The following CNEP1R1 variants were observed in gnomAD, a reference collection of about 807,000 sequenced individuals.
The protein encoded by CNEP1R1 is CTD nuclear envelope phosphatase 1 regulatory subunit 1, also known as nuclear envelope phosphatase-regulatory subunit 1.
Under a neutral mutation model 22.7 loss-of-function variants are expected in CNEP1R1, and 10 were observed. That is an observed-to-expected ratio of 0.44 (90% CI 0.27 to 0.75). The LOEUF (loss-of-function observed/expected upper bound fraction) is 0.75. CNEP1R1 is among the 30% of genes least tolerant of loss of function. The probability of loss-of-function intolerance (pLI) is 0.17; values close to 1 mark genes in which losing one functional copy is unlikely to be tolerated. For synonymous variants in CNEP1R1, 53 were observed against 50.1 expected (o/e 1.06, Z -0.25); for missense variants, 73 against 151.5 (o/e 0.48, Z 2.72).
chr16:50,029,804 A>G lies in CNEP1R1; in HGVS notation c.171+6A>G. On this transcript the variant is annotated splice_donor_region_variant and intron_variant, in intron 3 of 5. Coordinates refer to ENST00000427478, the MANE Select transcript of CNEP1R1 (RefSeq NM_001281789.2). ...TAGACCCTGAGACACAAAAGGTAGA[A>G]GTTTTGTTTTAAAATCATTAGCATA... 6.4e-7 allele frequency: 1 copy of G among 1,566,080 alleles called. No homozygotes were observed. Among genetic ancestry groups the G allele is most frequent in the Non-Finnish European group, 8.8e-7 (1 of 1,137,798 alleles).
rs777977157 is a variant in CNEP1R1, at chr16:50,035,411, T to C, written c.337-6T>C. ...TTGAAAAAATTCTGTCTTTTCATTT[T>C]TGCAGACAGGAAAACTAATTTTGAA... On this transcript the variant is annotated splice_region_variant and splice_polypyrimidine_tract_variant and intron_variant, in intron 5 of 5. Transcript: ENST00000427478. The C allele has an allele frequency of 1.3e-6, 2 of 1,547,126 alleles. No homozygotes were observed. The highest frequency in any genetic ancestry group is 1.2e-5 in the South Asian group (1 of 85,542).
intron 2 of CNEP1R1, chr16:50,026,728 A>C (rs2036187397): frequency 5.3e-6 from 2 of 379,674 alleles, no homozygotes. Context: ...TAATCCCAGC[A>C]CTTTAGGAAG....
At chr16:50,026,592 T>A (rs1417829921) in intron 2 of CNEP1R1, 125 bp downstream of exon 2, 6 of 715,306 alleles carry the variant, frequency 8.4e-6, no homozygotes, top group African/African-American at 1.8e-5. Flanking sequence ...CAATGCCTTA[T>A]GAAGAAATTT....
rs964967564 is a variant in CNEP1R1 at position 50,033,995 on chromosome 16, A to G, written c.282-107A>G. The G allele has an allele frequency of 7.2e-5, 55 of 767,196 alleles. No individual in the cohort carries two copies. The East Asian group carries it at 9.1e-4, about 13-fold the overall frequency. The allele number at this position is 767,196 out of a possible 1,614,324, so 47.5% of individuals were successfully genotyped here. ...CTCGATCTCCTGACCTTGTGATCCG[A>G]CCGCCTCGGCCTCCCAAAGTGCTGG... On this transcript the variant is annotated intron_variant, in intron 4 of 5. Transcript: ENST00000427478.
At chr16:50,026,255 C>T (rs2036182108) in intron 1 of CNEP1R1, 141 bp from the exon 2 acceptor site, 3 of 617,716 alleles carry the variant, frequency 4.9e-6, no homozygotes, top group Admixed American at 2.8e-5. Flanking sequence ...ATAAACAGTG[C>T]AGTGATACAT....
chr16:50,033,422 A>G lies in CNEP1R1; in HGVS notation c.197A>G (p.Asn66Ser). The G allele has an allele frequency of 6.3e-7, 1 of 1,595,544 alleles. No individual in the cohort carries two copies. The highest frequency in any genetic ancestry group is 1.1e-5 in the South Asian group (1 of 90,240). ...GTGTCCTTCTTCACATCATTATGGA[A>G]TCACCCATTTTTCACCATTAGCTGT... ...QKVSFFTSLW[N>S]HPFFTISCIT... Residue 66 changes from asparagine (N) to serine (S), a missense_variant, in exon 4 of 6, where the codon AAT becomes AGT. By Grantham distance (46) the Asn-to-Ser change is conservative. Coordinates refer to ENST00000427478, the MANE Select transcript of CNEP1R1 (RefSeq NM_001281789.2).
At chr16:50,026,349 A>G in intron 1 of CNEP1R1, 47 bp from the exon 2 acceptor site, 1 of 1,351,770 alleles carries the variant, frequency 7.4e-7, no homozygotes, top group Non-Finnish European at 1.0e-6. Flanking sequence ...ACATTTCGTC[A>G]GACGAGTAAG....
At chr16:50,025,400 A>T (rs1003817589) in intron 1 of CNEP1R1, 60 bp downstream of exon 1, 1 of 1,414,208 alleles carries the variant, frequency 7.1e-7, no homozygotes, top group Non-Finnish European at 9.3e-7. Context: ...GGTGCTCCGG[A>T]GGAGCCGGCG....
In CNEP1R1 at chr16:50,036,423, G is replaced by T. The variant is rs1308308616; in HGVS notation, c.*965G>T. The T allele has an allele frequency of 6.6e-6, 1 of 152,152 alleles. No individual in the cohort carries two copies. Among genetic ancestry groups the T allele is most frequent in the Non-Finnish European group, 1.5e-5 (1 of 68,038 alleles). The allele number at this position is 152,152 out of a possible 1,614,324, so 9.4% of individuals were successfully genotyped here. On this transcript the variant is annotated 3_prime_UTR_variant, in exon 6 of 6. Coordinates refer to ENST00000427478, the MANE Select transcript of CNEP1R1 (RefSeq NM_001281789.2). ...CAAAATGCTGGGATTACAGGCATAAGCCACCGTGCCTGGCCTCTTTAATAA... is the reference window on the plus strand; with the variant it reads ...CAAAATGCTGGGATTACAGGCATAATCCACCGTGCCTGGCCTCTTTAATAA...
chr16:50,026,546 G>T, intron 2 of CNEP1R1, 79 bp downstream of exon 2: 1 of 1,115,264 alleles, frequency 9.0e-7, no homozygotes. Flanking sequence ...TTGCTTTTAT[G>T]TAAAATGTTT....
intron 4 of CNEP1R1, 125 bp downstream of exon 4, chr16:50,033,631 AG>A: frequency 2.3e-6 from 1 of 442,344 alleles, no homozygotes; most frequent in East Asian, 4.3e-5. Context: ...TGGGAGGCTG[AG>A]GTGGGTGGAT....
intron 1 of CNEP1R1, 56 bp from the exon 2 acceptor site, chr16:50,026,340 C>T: frequency 1.6e-6 from 2 of 1,262,922 alleles, no homozygotes; most frequent in Non-Finnish European, 2.3e-6. Context: ...AATACTCTGA[C>T]ATTTCGTCAG....
chr16:50,031,996 G>A (rs143841524), intron 3 of CNEP1R1, among the ~76,000 whole-genome samples: 3 of 152,194 alleles, frequency 2.0e-5, no homozygotes, highest in African/African-American at 4.8e-5. Flanking sequence ...TGAAGAAGAC[G>A]TTCTTCTGGA....
At chr16:50,025,452 A>G in intron 1 of CNEP1R1, 112 bp downstream of exon 1, 1 of 1,249,944 alleles carries the variant, frequency 8.0e-7, no homozygotes, top group Non-Finnish European at 1.1e-6. Flanking sequence ...CAGAGGATGG[A>G]GCTAGGGGCC....
intron 2 of CNEP1R1, chr16:50,026,793 G>A (rs978955990): frequency 3.2e-5 from 7 of 218,082 alleles, no homozygotes; most frequent in South Asian, 7.3e-5. Flanking sequence ...TGGCCAACAC[G>A]GTGAAACGCC....
chr16:50,027,359 T>C (rs866831454), intron 2 of CNEP1R1, among the ~76,000 whole-genome samples: 1 of 151,748 alleles, frequency 6.6e-6, no homozygotes, highest in Non-Finnish European at 1.5e-5. Context: ...AATAAAAAAA[T>C]TAGCCGGGCG....
intron 4 of CNEP1R1, 40 bp from the exon 5 acceptor site, chr16:50,034,062 T>G (rs760105926): frequency 6.5e-7 from 1 of 1,527,726 alleles, no homozygotes; most frequent in South Asian, 1.2e-5. Flanking sequence ...AAAAGCATAC[T>G]CTTGAAATGA....
intron 3 of CNEP1R1, among the ~76,000 whole-genome samples, chr16:50,031,894 C>T (rs1384035285): frequency 6.6e-6 from 1 of 152,062 alleles, no homozygotes; most frequent in Non-Finnish European, 1.5e-5. Flanking sequence ...AACTGATGGC[C>T]TAATTAAAAT....
Position 50,026,407 on chromosome 16 carries a change from T to C in CNEP1R1, c.37T>C (p.Phe13Leu). The C allele has an allele frequency of 6.2e-7, 1 of 1,608,254 alleles. No individual in the cohort carries two copies. The highest frequency in any genetic ancestry group is 8.5e-7 in the Non-Finnish European group (1 of 1,176,692). Residue 13 changes from phenylalanine (F) to leucine (L), a missense_variant, in exon 2 of 6, where the codon TTT becomes CTT. Physicochemically the swap from Phe to Leu is conservative, Grantham distance 22. Transcript: ENST00000427478. ...ATCTTTATACCTAGATCTCAAGGCTTTTGAGAGGAGACTTACTGAATATAT... is the reference window on the plus strand; with the variant it reads ...ATCTTTATACCTAGATCTCAAGGCTCTTGAGAGGAGACTTACTGAATATAT... ...SLEQAEDLKA[F>L]ERRLTEYIHC...
Sources: gnomAD v4.1 joint callset for allele counts (sites outside exome capture counted in the v4.1 genomes callset) on GRCh38, gnomAD v4.1.1 for gene constraint, MANE v1.5 for transcripts, NCBI Gene and HGNC (gene_info 2026-07-23, HGNC 2026-07-21) for gene names.